The following ASH1L variants were observed in gnomAD, a reference collection of about 807,000 sequenced individuals.
ASH1L encodes histone-lysine N-methyltransferase ASH1L.
In ASH1L, 23 loss-of-function variants were observed where a neutral mutation model predicts 269.0. That is an observed-to-expected ratio of 0.09 (90% CI 0.06 to 0.12). The LOEUF is 0.12. ASH1L is among the 10% of genes least tolerant of loss of function. The pLI is 1.00. For synonymous variants in ASH1L, 1,187 were observed against 1,253.5 expected (o/e 0.95, Z 1.12); for missense variants, 2,912 against 3,567.8 (o/e 0.82, Z 4.68).
At chr1:155,427,950 CCTT>C (rs1463860822) in intron 5 of ASH1L, among the ~76,000 whole-genome samples, 7 of 152,164 alleles carry the variant, frequency 4.6e-5, no homozygotes, top group East Asian at 3.8e-4. Flanking sequence ...TCGTCCTTCT[CCTT>C]CTTGCTCCTG....
chr1:155,387,961 T>C (rs963629527), intron 7 of ASH1L, among the ~76,000 whole-genome samples: 6 of 152,220 alleles, frequency 3.9e-5, no homozygotes, highest in East Asian at 1.9e-4. Context: ...ATAGGAATGC[T>C]AGTGATTTTT....
intron 1 of ASH1L, among the ~76,000 whole-genome samples, chr1:155,542,926 C>T (rs1670533880): frequency 6.6e-6 from 1 of 151,914 alleles, no homozygotes; most frequent in Admixed American, 6.6e-5. Context: ...CTGCCTAGGC[C>T]TCCCAAAGTG....
At chr1:155,419,380 T>C (rs1288114585) in intron 5 of ASH1L, 2 of 137,582 alleles carry the variant, frequency 1.5e-5, no homozygotes, top group Admixed American at 7.3e-5. Flanking sequence ...ACAAAAACAT[T>C]AAAAAAAAAA....
At chr1:155,548,113 C>T (rs983971241) in intron 1 of ASH1L, among the ~76,000 whole-genome samples, 8 of 151,584 alleles carry the variant, frequency 5.3e-5, no homozygotes, top group Non-Finnish European at 1.0e-4. Context: ...GGGAGTTGAA[C>T]AATGAGAACA....
In ASH1L at chr1:155,438,500, T is replaced by G. The variant is rs761002676; in HGVS notation, c.5655A>C (p.Ala1885=). The change falls in exon 5 of 28, where the codon GCA becomes GCC. Residue 1885 remains alanine, a synonymous_variant. Transcript: ENST00000392403. The part of the protein sequence containing the change: ...PELNRDEEGA[A]LHLSPDTVTD... ...TAACTGTGTCAGGACTGAGGTGCAG[T>G]GCTGCTCCTTCCTCGTCTCTGTTCA... 6.2e-7 allele frequency: 1 copy of G among 1,613,574 alleles called. No homozygotes were observed. Among genetic ancestry groups the G allele is most frequent in the Non-Finnish European group, 8.5e-7 (1 of 1,179,854 alleles).
intron 2 of ASH1L, among the ~76,000 whole-genome samples, chr1:155,507,172 C>T (rs747673820): frequency 2.0e-5 from 3 of 150,228 alleles, no homozygotes; most frequent in Admixed American, 6.7e-5. Context: ...GCCAGCTACT[C>T]GGGAGGCTGA....
At chr1:155,464,546 G>A (rs1664535702) in intron 3 of ASH1L, among the ~76,000 whole-genome samples, 1 of 151,984 alleles carries the variant, frequency 6.6e-6, no homozygotes, top group South Asian at 2.1e-4. Flanking sequence ...AATAAAATTG[G>A]ATTTCAGAAT....
intron 1 of ASH1L, among the ~76,000 whole-genome samples, chr1:155,533,586 C>A (rs1366052453): frequency 6.6e-6 from 1 of 151,594 alleles, no homozygotes; most frequent in Non-Finnish European, 1.5e-5. Context: ...TGGTGGTGTG[C>A]ACCTGTAGTC....
rs1162901064 is a variant in ASH1L, at chr1:155,370,415, A to G, written c.6686+89T>C. ...GGAACAGCCTGAGCTGCTTTGTGTA[A>G]GCTGACTGACACTGGAAAGATCAAT... On this transcript the variant is annotated intron_variant, in intron 12 of 27. Coordinates refer to ENST00000392403, the MANE Select transcript of ASH1L (RefSeq NM_018489.3). 8 of 1,553,828 alleles carry G rather than the reference A, an allele frequency of 5.1e-6. No homozygotes were observed. The Admixed American group carries it at 1.2e-4, about 23-fold the overall frequency.
At chr1:155,533,164 TA>T (rs1293921366) in intron 1 of ASH1L, among the ~76,000 whole-genome samples, 1 of 152,088 alleles carries the variant, frequency 6.6e-6, no homozygotes, top group Non-Finnish European at 1.5e-5. Flanking sequence ...CCAAATTTTT[TA>T]AAGTACTACA....
chr1:155,519,770 T>C (rs1471160307), intron 2 of ASH1L, among the ~76,000 whole-genome samples: 9 of 152,020 alleles, frequency 5.9e-5, no homozygotes. Flanking sequence ...GCGATTCTCC[T>C]GCCTCAGCCT....
intron 3 of ASH1L, among the ~76,000 whole-genome samples, chr1:155,463,318 A>G (rs1664438026): frequency 6.6e-6 from 1 of 152,226 alleles, no homozygotes; most frequent in African/African-American, 2.4e-5. Context: ...GCTACAAATT[A>G]AACTAGAGAG....
At chr1:155,439,345 G>A (rs1263893551) in intron 4 of ASH1L, among the ~76,000 whole-genome samples, 1 of 151,928 alleles carries the variant, frequency 6.6e-6, no homozygotes, top group African/African-American at 2.4e-5. Flanking sequence ...AAAAATGAAG[G>A]TCAAAAATAA....
chr1:155,558,720 T>C (rs931100159), intron 1 of ASH1L, among the ~76,000 whole-genome samples: 3 of 152,028 alleles, frequency 2.0e-5, no homozygotes, highest in African/African-American at 7.2e-5. Context: ...TCTGTAGAAA[T>C]GGGGTCTTCC....
At chr1:155,385,240 C>A (rs1657330289) in intron 7 of ASH1L, among the ~76,000 whole-genome samples, 1 of 152,094 alleles carries the variant, frequency 6.6e-6, no homozygotes, top group Non-Finnish European at 1.5e-5. Flanking sequence ...GTCAGGAGTT[C>A]CAGACCAGTC....
At chr1:155,464,141 T>C (rs1664509316) in intron 3 of ASH1L, among the ~76,000 whole-genome samples, 1 of 152,182 alleles carries the variant, frequency 6.6e-6, no homozygotes. Context: ...CTCCATCATG[T>C]GACAAATGTT....
At chr1:155,394,284 T>C (rs1658180458) in intron 7 of ASH1L, among the ~76,000 whole-genome samples, 1 of 152,068 alleles carries the variant, frequency 6.6e-6, no homozygotes, top group Non-Finnish European at 1.5e-5. Context: ...AAGGTTGAGA[T>C]GGGAATGAAT....
At chr1:155,543,373 T>C (rs1670569895) in intron 1 of ASH1L, among the ~76,000 whole-genome samples, 1 of 151,742 alleles carries the variant, frequency 6.6e-6, no homozygotes, top group African/African-American at 2.4e-5. Flanking sequence ...CAGCCAGGCA[T>C]GGTGGCAGGT....
chr1:155,520,543 A>G (rs1668814579), intron 2 of ASH1L, among the ~76,000 whole-genome samples: 2 of 152,040 alleles, frequency 1.3e-5, no homozygotes, highest in Non-Finnish European at 2.9e-5. Flanking sequence ...CTGTAATCCC[A>G]GCACTTTGGA....
Sources: gnomAD v4.1 joint callset for allele counts (sites outside exome capture counted in the v4.1 genomes callset) on GRCh38, gnomAD v4.1.1 for gene constraint, MANE v1.5 for transcripts, NCBI Gene and HGNC (gene_info 2026-07-23, HGNC 2026-07-21) for gene names.